The following HNRNPM variants were observed in gnomAD, a reference collection of about 807,000 sequenced individuals.
HNRNPM encodes heterogeneous nuclear ribonucleoprotein M.
In HNRNPM, 11 loss-of-function variants were observed where a neutral mutation model predicts 73.1. That is an observed-to-expected ratio of 0.15 (90% CI 0.09 to 0.25). The LOEUF (loss-of-function observed/expected upper bound fraction) is 0.25, where lower values mean the gene tolerates loss of function less well. HNRNPM is among the 10% of genes least tolerant of loss of function. HNRNPM has a pLI of 1.00. For missense variants in HNRNPM, 789 were observed against 1,067.9 expected, an observed-to-expected ratio of 0.74 and a Z score of 3.64; for synonymous variants, 407 against 355.2, an observed-to-expected ratio of 1.15 and a Z score of -1.64.
rs537825327 is a variant in HNRNPM, at chr19:8,446,329, C to T, written c.113+1218C>T. Among the ~76,000 whole-genome samples the T allele has an allele frequency of 2.6e-5, 4 of 152,312 alleles. No homozygotes were observed. The East Asian group carries it at 5.8e-4, about 22-fold the overall frequency. On this transcript the variant is annotated intron_variant, in intron 1 of 15. Coordinates refer to ENST00000325495, the MANE Select transcript of HNRNPM (RefSeq NM_005968.5). ...TCCCTCCGTTTTCTTTCCTTTCTGT[C>T]TGTGACTTTGCCTTCCTCATATTGT...
At chr19:8,448,961 C>T (rs1968419191) in intron 1 of HNRNPM, among the ~76,000 whole-genome samples, 1 of 152,196 alleles carries the variant, frequency 6.6e-6, no homozygotes, top group African/African-American at 2.4e-5. Flanking sequence ...GACCTAAAGA[C>T]TCCAGGGGAG....
chr19:8,479,863 C>T (rs1359185874), intron 12 of HNRNPM, among the ~76,000 whole-genome samples: 1 of 148,998 alleles, frequency 6.7e-6, no homozygotes, highest in Non-Finnish European at 1.5e-5. Context: ...AAAGCTCTGC[C>T]CCTCCAGGTT....
At chr19:8,457,866 G>A (rs187831504) in intron 2 of HNRNPM, among the ~76,000 whole-genome samples, 2 of 152,338 alleles carry the variant, frequency 1.3e-5, no homozygotes, top group East Asian at 1.9e-4. Flanking sequence ...AGAACTGGCA[G>A]ATAGAGGCAC....
intron 1 of HNRNPM, among the ~76,000 whole-genome samples, chr19:8,448,967 G>A (rs974181192): frequency 6.6e-6 from 1 of 152,112 alleles, no homozygotes; most frequent in Non-Finnish European, 1.5e-5. Flanking sequence ...AAGACTCCAG[G>A]GGAGGCCCTC....
rs760821601 is a variant in HNRNPM at position 8,489,004 on chromosome 19, G to A, written c.*150G>A. 5.0e-5 allele frequency: 35 copies of A among 707,050 alleles called. No individual in the cohort carries two copies. The highest frequency in any genetic ancestry group is 7.3e-5 in the Non-Finnish European group (32 of 441,354). 43.8% of individuals were successfully genotyped at this position (707,050 alleles called of 1,614,324 possible). A position where few individuals can be genotyped will look rare whatever the true frequency, so the allele number is the denominator to read the frequency against. ...TTGAATTACTTTTTTAATGACTGGG[G>A]TTCCATTTGACTGTTTGCATTGAGA... On this transcript the variant is annotated 3_prime_UTR_variant, in exon 16 of 16. Coordinates refer to ENST00000325495, the MANE Select transcript of HNRNPM (RefSeq NM_005968.5).
At chr19:8,487,406 C>T (rs1446268582) in intron 15 of HNRNPM, 1 of 318,428 alleles carries the variant, frequency 3.1e-6, no homozygotes, top group East Asian at 8.1e-5. Context: ...ATAAATACAT[C>T]CCAGACGAGG....
intron 1 of HNRNPM, among the ~76,000 whole-genome samples, chr19:8,452,975 G>C (rs956627121): frequency 6.6e-6 from 1 of 151,828 alleles, no homozygotes; most frequent in Admixed American, 6.6e-5. Context: ...TGAGTAGCTG[G>C]GACTACAGGT....
intron 1 of HNRNPM, 186 bp downstream of exon 1, chr19:8,445,297 T>A: frequency 2.1e-6 from 1 of 475,658 alleles, no homozygotes; most frequent in Non-Finnish European, 3.5e-6. Flanking sequence ...GCCTCCAGAA[T>A]CGTCCCCTAC....
At chr19:8,473,731 C>T in intron 11 of HNRNPM, 23 bp downstream of exon 11, 1 of 1,372,614 alleles carries the variant, frequency 7.3e-7, no homozygotes, top group African/African-American at 1.4e-5. Context: ...AAATGAAGTA[C>T]AAGCATAATC....
chr19:8,464,343 T>G (rs1307015540), intron 5 of HNRNPM, among the ~76,000 whole-genome samples: 1 of 152,196 alleles, frequency 6.6e-6, no homozygotes, highest in Non-Finnish European at 1.5e-5. Context: ...TTTTGTTGAT[T>G]AAATCCCTCT....
intron 12 of HNRNPM, among the ~76,000 whole-genome samples, chr19:8,478,982 A>G (rs979777619): frequency 2.6e-5 from 4 of 151,802 alleles, no homozygotes; most frequent in Non-Finnish European, 4.4e-5. Context: ...TAAAGTTGGA[A>G]GGTCTTGAGT....
At position 8,449,680 on chromosome 19, in the gene HNRNPM, C is replaced by T. The variant is rs1313716302; in HGVS notation, c.113+4569C>T. Among the ~76,000 whole-genome samples, 61 of 26,738 alleles carry T rather than the reference C, an allele frequency of 2.3e-3. 25 individuals carry two copies. Among genetic ancestry groups the T allele is most frequent in the Admixed American group, 0.011 (16 of 1,474 alleles). The allele number at this position is 26,738 out of a possible 152,430, so 17.5% of individuals were successfully genotyped here. On this transcript the variant is annotated intron_variant, in intron 1 of 15. Coordinates refer to ENST00000325495, the MANE Select transcript of HNRNPM (RefSeq NM_005968.5). ...CCTCCCAAGTAGCTGGGACTACAGG[C>T]GCCCGCCACTACGCCCGGCTAATTT...
chr19:8,465,532 A>G lies in HNRNPM; in HGVS notation c.630+17A>G, dbSNP rs375423649. 3 of 1,540,720 alleles carry G rather than the reference A, an allele frequency of 1.9e-6. No homozygotes were observed. The highest frequency in any genetic ancestry group is 2.3e-5 in the East Asian group (1 of 43,236). On this transcript the variant is annotated intron_variant, in intron 6 of 15. Coordinates refer to ENST00000325495, the MANE Select transcript of HNRNPM (RefSeq NM_005968.5). ...GTAGCAAATGTAAGTAAACAGAACC[A>G]TCGTCTAAAGTAGAAAATCAGAACT...
intron 2 of HNRNPM, among the ~76,000 whole-genome samples, chr19:8,459,029 G>C (rs1017194598): frequency 6.6e-6 from 1 of 152,140 alleles, no homozygotes; most frequent in Non-Finnish European, 1.5e-5. Context: ...CTGGGTTCAA[G>C]TGATTCTCTT....
chr19:8,451,294 C>T (rs1266562646), intron 1 of HNRNPM, among the ~76,000 whole-genome samples: 3 of 152,086 alleles, frequency 2.0e-5, no homozygotes, highest in African/African-American at 4.8e-5. Flanking sequence ...CTGCCCGCCT[C>T]GGCCCCCCAA....
intron 2 of HNRNPM, 146 bp downstream of exon 2, chr19:8,455,720 C>T: frequency 1.9e-6 from 1 of 535,654 alleles, no homozygotes; most frequent in Non-Finnish European, 3.2e-6. Context: ...CCTTACCCCA[C>T]CTCAGTTTTT....
intron 1 of HNRNPM, among the ~76,000 whole-genome samples, chr19:8,447,883 G>A (rs569061122): frequency 1.2e-4 from 18 of 152,114 alleles, no homozygotes; most frequent in Admixed American, 4.6e-4. Context: ...AAAATTAGCC[G>A]GGCGTGGTGC....
intron 5 of HNRNPM, among the ~76,000 whole-genome samples, chr19:8,464,855 G>A (rs190152008): frequency 8.7e-4 from 133 of 152,212 alleles, no homozygotes; most frequent in Non-Finnish European, 1.5e-3. Context: ...TCACACACAC[G>A]CCTCCAACAC....
intron 3 of HNRNPM, 76 bp from the exon 4 acceptor site, chr19:8,463,420 TC>T (rs1353987409): frequency 1.4e-6 from 2 of 1,406,910 alleles, no homozygotes; most frequent in Non-Finnish European, 2.0e-6. Context: ...TTTATAACTG[TC>T]ATTGATATTT....
Sources: allele counts gnomAD v4.1 joint callset (sites outside exome capture counted in the v4.1 genomes callset), GRCh38; gene constraint gnomAD v4.1.1; transcripts MANE v1.5; gene names NCBI Gene and HGNC (gene_info 2026-07-23, HGNC 2026-07-21).